CYREN: variants seen among roughly 807,000 people sequenced by gnomAD.
The protein encoded by CYREN is cell cycle regulator of NHEJ.
Under a neutral mutation model 9.7 loss-of-function variants are expected in CYREN, and 7 were observed. The observed-to-expected ratio is 0.72, with a 90% CI of 0.41 to 1.36. CYREN has a LOEUF of 1.36. Ranked by LOEUF, CYREN falls within the 40% of genes most tolerant of loss-of-function variation. The pLI, the probability that CYREN is intolerant of heterozygous loss-of-function variation, is 0.01. For missense variants in CYREN, 215 were observed against 198.1 expected, an observed-to-expected ratio of 1.09 and a Z score of -0.51; for synonymous variants, 76 against 77.9, an observed-to-expected ratio of 0.98 and a Z score of 0.13.
intron 2 of CYREN, among the ~76,000 whole-genome samples, chr7:135,154,025 G>A (rs915521889): frequency 1.3e-5 from 2 of 152,104 alleles, no homozygotes; most frequent in African/African-American, 2.4e-5. Flanking sequence ...TTATTGGTCT[G>A]TTTAGAAGTT....
intron 2 of CYREN, among the ~76,000 whole-genome samples, chr7:135,119,146 G>A (rs182319483): frequency 1.3e-5 from 2 of 152,092 alleles, no homozygotes; most frequent in Admixed American, 1.3e-4. Context: ...AATTTGACAG[G>A]AGACATAAAC....
At chr7:135,159,046 T>C (rs897328441) in intron 2 of CYREN, among the ~76,000 whole-genome samples, 1 of 152,220 alleles carries the variant, frequency 6.6e-6, no homozygotes, top group Admixed American at 6.5e-5. Context: ...AAAGTTTGTT[T>C]TGGAGCCCTA....
chr7:135,146,184 G>A (rs987976056), intron 2 of CYREN, among the ~76,000 whole-genome samples: 31 of 152,160 alleles, frequency 2.0e-4, no homozygotes, highest in Non-Finnish European at 4.0e-4. Context: ...GAGACCTAAC[G>A]TGAGAGAGAA....
intron 2 of CYREN, among the ~76,000 whole-genome samples, chr7:135,128,288 T>A (rs2117308133): frequency 2.6e-5 from 1 of 38,024 alleles, no homozygotes; most frequent in Non-Finnish European, 4.3e-5. Flanking sequence ...TGAGACTCCA[T>A]CTCAAAAAAA....
At chr7:135,112,355 ATC>A (rs1825767186) in intron 2 of CYREN, among the ~76,000 whole-genome samples, 2 of 152,194 alleles carry the variant, frequency 1.3e-5, no homozygotes, top group Non-Finnish European at 2.9e-5. Flanking sequence ...TTTATTTAGC[ATC>A]TGTCAGTCAT....
downstream of CYREN, among the ~76,000 whole-genome samples, chr7:135,163,132 T>A (rs1829989713): frequency 6.6e-6 from 1 of 152,228 alleles, no homozygotes; most frequent in African/African-American, 2.4e-5. Context: ...GTGTAATGGA[T>A]GATCCCACAT....
At position 135,166,359 on chromosome 7, in the gene CYREN, G is replaced by A. The variant is rs1408030945; in HGVS notation, c.*252C>T. 1 of 428,580 alleles carries A rather than the reference G, an allele frequency of 2.3e-6. No homozygotes were observed. Among genetic ancestry groups the A allele is most frequent in the Non-Finnish European group, 4.1e-6 (1 of 243,240 alleles). The allele number at this position is 428,580 out of a possible 1,614,324, so 26.5% of individuals were successfully genotyped here. ...CCAGAGCCTCAAGAGCCAGGAGAGGGCACAGTACATACAGAGGGAGTCAAA... is the reference window on the plus strand; with the variant it reads ...CCAGAGCCTCAAGAGCCAGGAGAGGACACAGTACATACAGAGGGAGTCAAA... On this transcript the variant is annotated 3_prime_UTR_variant, in exon 4 of 4. Transcript: ENST00000393114.
chr7:135,130,887 T>C (rs988695667), intron 2 of CYREN, among the ~76,000 whole-genome samples: 1 of 152,200 alleles, frequency 6.6e-6, no homozygotes, highest in Admixed American at 6.5e-5. Context: ...AAAAATTGTC[T>C]TTCGTTATCG....
At chr7:135,094,949 G>A (rs1822435501) in intron 2 of CYREN, among the ~76,000 whole-genome samples, 1 of 152,156 alleles carries the variant, frequency 6.6e-6, no homozygotes, top group African/African-American at 2.4e-5. Flanking sequence ...TCCTTGTATT[G>A]TTGAGAGCAC....
At chr7:135,164,675 T>G (rs1830040535), downstream of CYREN, 1 of 1,613,788 alleles carries the variant, frequency 6.2e-7, no homozygotes, top group East Asian at 2.2e-5. Flanking sequence ...TGCCTCGGGT[T>G]GGCCTGGGCC....
At chr7:135,115,531 C>T (rs573708799) in intron 2 of CYREN, 488 of 1,551,480 alleles carry the variant, frequency 3.1e-4, no homozygotes, top group Non-Finnish European at 3.9e-4. Flanking sequence ...TGCTCCCCAT[C>T]GTGCATAGCA....
chr7:135,156,774 A>AG (rs1468796716), intron 2 of CYREN, among the ~76,000 whole-genome samples: 1 of 152,078 alleles, frequency 6.6e-6, no homozygotes, highest in East Asian at 1.9e-4. Context: ...GATGATTGTT[A>AG]CGGTTTGACT....
upstream of CYREN, among the ~76,000 whole-genome samples, chr7:135,171,092 G>T (rs1830631889): frequency 1.3e-5 from 2 of 152,294 alleles, no homozygotes; most frequent in South Asian, 2.1e-4. Flanking sequence ...TGAGGAGGAT[G>T]GGAGCCCGGC....
In CYREN at chr7:135,096,842, G is replaced by A. The variant is rs913209938; in HGVS notation, n.357-2260C>T. Among the ~76,000 whole-genome samples, 8 of 152,204 alleles carry A rather than the reference G, an allele frequency of 5.3e-5. No homozygotes were observed. The East Asian group carries it at 1.4e-3, about 26-fold the overall frequency. On this transcript the variant is annotated intron_variant and non_coding_transcript_variant, in intron 2 of 2. Transcript: ENST00000459937. The stretch of plus-strand genomic sequence containing the variant: ...ATGGCTATTCTTTTAATGACTGGCG[G>A]AAGAACATATACAACTAGGAAGATA...
At chr7:135,165,411 G>A (rs1419030473), downstream of CYREN, 3 of 183,190 alleles carry the variant, frequency 1.6e-5, no homozygotes, top group Non-Finnish European at 3.9e-5. Flanking sequence ...GGCAACAAAC[G>A]AGGACATTAA....
chr7:135,104,129 C>T (rs1245492326), intron 2 of CYREN, among the ~76,000 whole-genome samples: 1 of 152,072 alleles, frequency 6.6e-6, no homozygotes, highest in African/African-American at 2.4e-5. Context: ...CCTATGTTCT[C>T]ATAATTTGGC....
chr7:135,138,948 T>C (rs911967990), intron 2 of CYREN, among the ~76,000 whole-genome samples: 7 of 152,154 alleles, frequency 4.6e-5, no homozygotes, highest in Non-Finnish European at 8.8e-5. Context: ...GGCTGCATAG[T>C]ATTCTATGGT....
chr7:135,117,748 C>T (rs1252908999), intron 2 of CYREN, among the ~76,000 whole-genome samples: 1 of 152,314 alleles, frequency 6.6e-6, no homozygotes, highest in South Asian at 2.1e-4. Flanking sequence ...TCCATATACA[C>T]CTATATCAGA....
intron 2 of CYREN, among the ~76,000 whole-genome samples, chr7:135,143,543 T>C (rs1172267908): frequency 6.6e-6 from 1 of 152,142 alleles, no homozygotes; most frequent in Non-Finnish European, 1.5e-5. Flanking sequence ...GAAAAAAAAC[T>C]AGACGGCTGA....
Sources: gnomAD v4.1 joint callset for allele counts (sites outside exome capture counted in the v4.1 genomes callset) on GRCh38, gnomAD v4.1.1 for gene constraint, MANE v1.5 for transcripts, NCBI Gene and HGNC (gene_info 2026-07-23, HGNC 2026-07-21) for gene names.